Variants in ABCA5 observed in about 807,000 individuals in gnomAD.
ABCA5 encodes the protein ATP binding cassette subfamily A member 5.
Under a neutral mutation model 206.0 loss-of-function variants are expected in ABCA5, and 163 were observed. The observed-to-expected ratio is 0.79, with a 90% confidence interval of 0.70 to 0.90. The LOEUF (loss-of-function observed/expected upper bound fraction) is 0.90. Among genes scored for constraint, ABCA5 ranks in the 40% least tolerant of loss-of-function variants. ABCA5 has a pLI of 0.00. For synonymous variants in ABCA5, 609 were observed against 613.8 expected (o/e 0.99, Z 0.11); for missense variants, 1,859 against 1,912.9 (o/e 0.97, Z 0.53).
chr17:69,318,757 T>G, intron 1 of ABCA5: 1 of 657,376 alleles, frequency 1.5e-6, no homozygotes, highest in Non-Finnish European at 2.8e-6. Context: ...CACTCCCGAG[T>G]TGAAAAAATT....
intron 1 of ABCA5, among the ~76,000 whole-genome samples, chr17:69,320,863 C>T (rs1209092151): frequency 6.6e-6 from 1 of 152,166 alleles, no homozygotes; most frequent in African/African-American, 2.4e-5. Flanking sequence ...ACTAACTCTA[C>T]CCTATAAATT....
chr17:69,283,127 T>C (rs987804360), intron 18 of ABCA5, among the ~76,000 whole-genome samples: 6 of 151,756 alleles, frequency 4.0e-5, no homozygotes, highest in South Asian at 4.2e-4. Flanking sequence ...GTTGGGACTA[T>C]AGGCACACAC....
At chr17:69,283,284 T>C (rs891698033) in intron 18 of ABCA5, among the ~76,000 whole-genome samples, 1 of 152,100 alleles carries the variant, frequency 6.6e-6, no homozygotes, top group Non-Finnish European at 1.5e-5. Context: ...GCGCCCGGCC[T>C]CCCTATTTTC....
chr17:69,293,833 G>GGTGTGTGT (rs61315865), intron 11 of ABCA5, among the ~76,000 whole-genome samples: 2,662 of 123,446 alleles, frequency 0.022, 57 homozygotes, highest in Admixed American at 0.068. Context: ...CAATCATACT[G>GGTGTGTGT]GTGTGTGTGT....
chr17:69,273,398 T>C (rs2075294259), intron 20 of ABCA5, among the ~76,000 whole-genome samples: 1 of 150,636 alleles, frequency 6.6e-6, no homozygotes, highest in African/African-American at 2.4e-5. Flanking sequence ...AATAACGTTA[T>C]TATTAAAAAA....
At chr17:69,250,409 TATA>T in intron 36 of ABCA5, 60 bp downstream of exon 36, 1 of 1,445,544 alleles carries the variant, frequency 6.9e-7, no homozygotes, top group Non-Finnish European at 9.4e-7. Flanking sequence ...TAATCCTTAA[TATA>T]ATAACTTTTT....
Position 69,303,805 on chromosome 17 carries a change from T to TAC in ABCA5, c.930+863_930+864insGT, listed in dbSNP as rs1413938202. Among the ~76,000 whole-genome samples, 7 of 4,700 alleles carry TAC rather than the reference T, an allele frequency of 1.5e-3. 2 individuals are homozygous for TAC. In the Non-Finnish European group the frequency reaches 0.043, roughly 29 times the overall value. The allele number at this position is 4,700 out of a possible 152,430, so 3.1% of individuals were successfully genotyped here. A position where few individuals can be genotyped will look rare whatever the true frequency, so the allele number is the denominator to read the frequency against. ...AAAAAAATATATATATATATATATA[T>TAC]ATACATACATATATATATATGTATA... On this transcript the variant is annotated intron_variant, in intron 7 of 38. Transcript: ENST00000392676.
chr17:69,310,840 C>A (rs2075761357), intron 3 of ABCA5, among the ~76,000 whole-genome samples: 1 of 152,148 alleles, frequency 6.6e-6, no homozygotes, highest in South Asian at 2.1e-4. Context: ...ATCTACAATG[C>A]CTAGCTGATG....
chr17:69,255,613 C>A lies in ABCA5; in HGVS notation c.3998G>T (p.Gly1333Val). The change falls in exon 31 of 39, where the codon GGT (glycine) becomes GTT (valine). Residue 1333 changes from glycine to valine, a missense_variant. Physicochemically the swap from Gly to Val is moderately radical, Grantham distance 109 (BLOSUM62 -3). Transcript: ENST00000392676. ...VKKGEILGLLGPNGAGKSTII... is the reference protein window; with the variant it reads ...VKKGEILGLLVPNGAGKSTII... Reference sequence around the variant, plus strand: ...TGTGCTTTTGCCAGCACCATTTGGACCCAATAGTCCTAAGATCTCTCCTAA... The same window carrying A: ...TGTGCTTTTGCCAGCACCATTTGGAACCAATAGTCCTAAGATCTCTCCTAA... 1 of 1,579,362 alleles carries A rather than the reference C, an allele frequency of 6.3e-7. No homozygotes were observed. The highest frequency in any genetic ancestry group is 8.5e-7 in the Non-Finnish European group (1 of 1,170,412).
rs1013037273 is a variant in ABCA5 at position 69,286,453 on chromosome 17, T to C, written c.2042-142A>G. The C allele has an allele frequency of 4.3e-6, 3 of 690,950 alleles. No individual in the cohort carries two copies. The African/African-American group carries it at 5.6e-5, about 13-fold the overall frequency. 42.8% of individuals were successfully genotyped at this position (690,950 alleles called of 1,614,324 possible). The stretch of plus-strand genomic sequence containing the variant: ...ACAAAAAGTCTTATGAGGATGGTAC[T>C]AGATTATCATCAACTATTTTTCAGA... On this transcript the variant is annotated intron_variant, in intron 15 of 38. Coordinates refer to ENST00000392676, the MANE Select transcript of ABCA5 (RefSeq NM_172232.4).
intron 38 of ABCA5, 80 bp downstream of exon 38, chr17:69,248,182 C>T (rs533978219): frequency 4.1e-5 from 33 of 798,074 alleles, no homozygotes; most frequent in Non-Finnish European, 6.6e-5. Flanking sequence ...ATATCTCTCC[C>T]TCTCTAATAT....
chr17:69,249,204 GTAGT>G (rs1291583625), intron 37 of ABCA5: 6 of 152,126 alleles, frequency 3.9e-5, no homozygotes, highest in Non-Finnish European at 8.8e-5. Flanking sequence ...TAAAAATCCT[GTAGT>G]TATTTTGAAA....
chr17:69,257,585 AAG>A (rs1272716781), intron 28 of ABCA5, among the ~76,000 whole-genome samples: 1 of 151,984 alleles, frequency 6.6e-6, no homozygotes, highest in Admixed American at 6.6e-5. Flanking sequence ...TATGAAAGGA[AAG>A]AGAGATATAG....
intron 22 of ABCA5, among the ~76,000 whole-genome samples, chr17:69,268,354 A>G (rs1489432771): frequency 6.6e-6 from 1 of 152,086 alleles, no homozygotes; most frequent in Admixed American, 6.6e-5. Flanking sequence ...ACGCTTCACA[A>G]TTTCATAAAA....
chr17:69,248,234 A>G, intron 38 of ABCA5, 28 bp downstream of exon 38: 1 of 1,334,508 alleles, frequency 7.5e-7, no homozygotes, highest in Admixed American at 2.0e-5. Flanking sequence ...TCTATAAAAT[A>G]ATTTTTAAAA....
At position 69,294,425 on chromosome 17, in the gene ABCA5, G is replaced by A. The variant is rs186742223; in HGVS notation, c.1495+230C>T. Among the ~76,000 whole-genome samples, 207 of 152,210 alleles carry A rather than the reference G, an allele frequency of 1.4e-3. 1 individual carries two copies. The highest frequency in any genetic ancestry group is 0.01 in the Middle Eastern group (3 of 294). Reference sequence around the variant, plus strand: ...TAATCCCACCTACTCAGGAGGCTAAGGCAGGCGAATCACTTGAACCCAGAA... The same window carrying A: ...TAATCCCACCTACTCAGGAGGCTAAAGCAGGCGAATCACTTGAACCCAGAA... On this transcript the variant is annotated intron_variant, in intron 11 of 38. Transcript: ENST00000392676.
rs2074933840 is a variant in ABCA5, at chr17:69,244,886, ATAGC to A, written c.*2647_*2650del. The A allele has an allele frequency of 6.7e-6, 1 of 149,648 alleles. No homozygotes were observed. The highest frequency in any genetic ancestry group is 1.5e-5 in the Non-Finnish European group (1 of 67,404). 9.3% of individuals were successfully genotyped at this position (149,648 alleles called of 1,614,324 possible). On this transcript the variant is annotated 3_prime_UTR_variant, in exon 39 of 39. Coordinates refer to ENST00000392676, the MANE Select transcript of ABCA5 (RefSeq NM_172232.4). The stretch of plus-strand genomic sequence containing the variant: ...ATATTATAGTTAGTTATATAAAATA[ATAGC>A]TAGTTATATAAGTTATATAAGTAAT...
chr17:69,316,731 G>C (rs1378634651), intron 1 of ABCA5, among the ~76,000 whole-genome samples: 1 of 151,964 alleles, frequency 6.6e-6, no homozygotes, highest in African/African-American at 2.4e-5. Flanking sequence ...ATTATAATTA[G>C]ACTGCTGAAA....
Position 69,247,507 on chromosome 17 carries a change from G to T in ABCA5, c.*30C>A. The T allele has an allele frequency of 7.2e-7, 1 of 1,392,934 alleles. No individual in the cohort carries two copies. Among genetic ancestry groups the T allele is most frequent in the Non-Finnish European group, 9.8e-7 (1 of 1,019,930 alleles). The allele number at this position is 1,392,934 out of a possible 1,614,324, so 86.3% of individuals were successfully genotyped here. Reference sequence around the variant, plus strand: ...TTAAAATTAAGTGAAAAAGAAAGAAGTCCCAGTAAGCAGACCGAACAATAC... The same window carrying T: ...TTAAAATTAAGTGAAAAAGAAAGAATTCCCAGTAAGCAGACCGAACAATAC... On this transcript the variant is annotated 3_prime_UTR_variant, in exon 39 of 39. Transcript: ENST00000392676.
Sources: allele counts gnomAD v4.1 joint callset (sites outside exome capture counted in the v4.1 genomes callset), GRCh38; gene constraint gnomAD v4.1.1; transcripts MANE v1.5; gene names NCBI Gene and HGNC (gene_info 2026-07-23, HGNC 2026-07-21).